The following CENPU variants were observed in gnomAD, a reference collection of about 807,000 sequenced individuals.
The protein encoded by CENPU is centromere protein U.
Under a neutral mutation model 56.7 loss-of-function variants are expected in CENPU, and 46 were observed. The ratio of observed to expected loss-of-function variants is 0.81; its 90% confidence interval spans 0.64 to 1.04. CENPU has a LOEUF of 1.04. CENPU is among the 50% of genes least tolerant of loss of function. The pLI is 0.00. For missense variants in CENPU, 510 were observed against 490.1 expected, an observed-to-expected ratio of 1.04 and a Z score of -0.38; for synonymous variants, 166 against 163.0, an observed-to-expected ratio of 1.02 and a Z score of -0.14.
intron 8 of CENPU, among the ~76,000 whole-genome samples, chr4:184,708,537 GA>G (rs151299938): frequency 2.5e-4 from 30 of 119,496 alleles, no homozygotes; most frequent in Admixed American, 1.4e-3. Context: ...GAATATCAAA[GA>G]AAAAAAATAA....
intron 2 of CENPU, among the ~76,000 whole-genome samples, chr4:184,729,996 G>T (rs926106420): frequency 1.3e-5 from 2 of 152,222 alleles, no homozygotes; most frequent in Admixed American, 6.5e-5. Flanking sequence ...CCCAGTGAAA[G>T]AATCATTCCT....
chr4:184,696,381 C>A (rs1760310755), intron 12 of CENPU, among the ~76,000 whole-genome samples: 1 of 152,156 alleles, frequency 6.6e-6, no homozygotes, highest in Non-Finnish European at 1.5e-5. Context: ...ACTCTAAGAA[C>A]AGGACGCTCA....
chr4:184,719,061 A>G (rs1358121139), intron 4 of CENPU, among the ~76,000 whole-genome samples: 2 of 152,162 alleles, frequency 1.3e-5, no homozygotes, highest in Admixed American at 6.5e-5. Flanking sequence ...TCACCTACAC[A>G]TAAAGAAAAA....
At chr4:184,708,368 T>A (rs996929283) in intron 8 of CENPU, among the ~76,000 whole-genome samples, 9 of 151,342 alleles carry the variant, frequency 5.9e-5, no homozygotes, top group Non-Finnish European at 8.8e-5. Flanking sequence ...AATCTCCCAG[T>A]GAATGAAGCA....
chr4:184,709,972 G>A (rs1488942323), intron 8 of CENPU, 100 bp downstream of exon 8: 2 of 456,928 alleles, frequency 4.4e-6, no homozygotes, highest in Non-Finnish European at 7.9e-6. Flanking sequence ...CTAAAACAAT[G>A]ACAATGAAAA....
At chr4:184,708,594 T>C (rs1760811078) in intron 8 of CENPU, among the ~76,000 whole-genome samples, 1 of 152,004 alleles carries the variant, frequency 6.6e-6, no homozygotes, top group African/African-American at 2.4e-5. Flanking sequence ...GAAATAAGAA[T>C]TAGATAGACA....
At position 184,734,004 on chromosome 4, in the gene CENPU, G is replaced by T. The variant is rs200613042; in HGVS notation, c.47+12C>A. The T allele has an allele frequency of 1.9e-6, 3 of 1,609,392 alleles. No individual in the cohort carries two copies. Among genetic ancestry groups the T allele is most frequent in the Non-Finnish European group, 2.5e-6 (3 of 1,178,686 alleles). On this transcript the variant is annotated intron_variant, in intron 1 of 12. Coordinates refer to ENST00000281453, the MANE Select transcript of CENPU (RefSeq NM_024629.4). ...CTCCGGCCCCGCGCTCCCGAGGGTC[G>T]GCAGTACTTACCCCTCAGACCTGTG...
chr4:184,733,460 T>C (rs1176153885), intron 1 of CENPU: 1 of 982,666 alleles, frequency 1.0e-6, no homozygotes, highest in Non-Finnish European at 1.2e-6. Context: ...CGACCAGCAT[T>C]CTAGAGCGCG....
At chr4:184,721,660 G>A (rs1761283027) in intron 4 of CENPU, among the ~76,000 whole-genome samples, 1 of 152,058 alleles carries the variant, frequency 6.6e-6, no homozygotes, top group East Asian at 1.9e-4. Context: ...GACAAAGAAG[G>A]TCACTACATA....
Position 184,728,881 on chromosome 4 carries a change from T to G in CENPU, c.214+37A>C, listed in dbSNP as rs563673522. The G allele has an allele frequency of 1.8e-5, 26 of 1,475,266 alleles. 1 individual carries two copies. The South Asian group carries it at 3.0e-4, about 17-fold the overall frequency. The allele number at this position is 1,475,266 out of a possible 1,614,324, so 91.4% of individuals were successfully genotyped here. On this transcript the variant is annotated intron_variant, in intron 3 of 12. Coordinates refer to ENST00000281453, the MANE Select transcript of CENPU (RefSeq NM_024629.4). ...TATATCTGGCCTAAATGTTGTTGCTTTAGAGTTATGTTAGGATAAAGATTT... is the reference window on the plus strand; with the variant it reads ...TATATCTGGCCTAAATGTTGTTGCTGTAGAGTTATGTTAGGATAAAGATTT...
At chr4:184,705,480 G>A (rs1333608536) in intron 8 of CENPU, among the ~76,000 whole-genome samples, 1 of 152,064 alleles carries the variant, frequency 6.6e-6, no homozygotes, top group Non-Finnish European at 1.5e-5. Flanking sequence ...GGATCCTGGA[G>A]GTGATGCAAT....
intron 4 of CENPU, among the ~76,000 whole-genome samples, chr4:184,717,927 G>A (rs1761146686): frequency 6.6e-6 from 1 of 152,224 alleles, no homozygotes; most frequent in South Asian, 2.1e-4. Context: ...TAAAAGCCTG[G>A]TGGTGTAAAA....
intron 4 of CENPU, among the ~76,000 whole-genome samples, chr4:184,719,638 T>A (rs7660939): frequency 6.6e-6 from 1 of 152,018 alleles, no homozygotes; most frequent in Non-Finnish European, 1.5e-5. Context: ...TAGGGGCATG[T>A]GACCTACTGA....
intron 4 of CENPU, among the ~76,000 whole-genome samples, chr4:184,722,486 T>C (rs1036259603): frequency 1.3e-5 from 2 of 152,080 alleles, no homozygotes; most frequent in Admixed American, 6.5e-5. Flanking sequence ...GCTGCATTTA[T>C]ATATAGAAAA....
chr4:184,694,626 T>G lies in CENPU; in HGVS notation c.*662A>C, dbSNP rs150917934. 3.6e-5 allele frequency: 58 copies of G among 1,614,208 alleles called. No homozygotes were observed. In the Middle Eastern group the frequency reaches 1.5e-3, roughly 41 times the overall value. On this transcript the variant is annotated 3_prime_UTR_variant, in exon 13 of 13. Coordinates refer to ENST00000281453, the MANE Select transcript of CENPU (RefSeq NM_024629.4). ...GGCTGTCAACAGGTGCATCTGCTGATGCTGTCTGGGATAATGGCATTGATG... is the reference window on the plus strand; with the variant it reads ...GGCTGTCAACAGGTGCATCTGCTGAGGCTGTCTGGGATAATGGCATTGATG...
chr4:184,733,494 C>A, intron 1 of CENPU: 1 of 860,704 alleles, frequency 1.2e-6, no homozygotes, highest in Non-Finnish European at 1.4e-6. Flanking sequence ...CAAACGCTCG[C>A]TTTCTTTGGT....
At chr4:184,725,093 TAA>T (rs532416140) in intron 3 of CENPU, 31 bp from the exon 4 acceptor site, 3 of 1,438,872 alleles carry the variant, frequency 2.1e-6, no homozygotes, top group Non-Finnish European at 2.9e-6. Flanking sequence ...AGCACAACTT[TAA>T]AAGTCTGGCT....
Position 184,712,999 on chromosome 4 carries a change from T to C in CENPU, c.633A>G (p.Lys211=). 6.3e-7 allele frequency: 1 copy of C among 1,580,850 alleles called. No individual in the cohort carries two copies. The highest frequency in any genetic ancestry group is 1.1e-5 in the South Asian group (1 of 88,122). ...TCCTTTTGTCATGAGATATCTTCCC[T>C]TTTTTCTGAGTTTTCTACAAAAAAA... is the stretch of plus-strand genomic sequence containing the variant. ...AIESQSKTQK[K]GKISHDKRKK... Residue 211 remains lysine (K), a synonymous_variant, in exon 7 of 13, where the codon AAA becomes AAG. Coordinates refer to ENST00000281453, the MANE Select transcript of CENPU (RefSeq NM_024629.4).
intron 3 of CENPU, among the ~76,000 whole-genome samples, chr4:184,728,410 G>T (rs1351611024): frequency 2.6e-5 from 4 of 152,122 alleles, no homozygotes; most frequent in Non-Finnish European, 5.9e-5. Context: ...TCTGGCTTCT[G>T]GAGTGCCCAG....
Sources: gnomAD v4.1 joint callset for allele counts (sites outside exome capture counted in the v4.1 genomes callset) on GRCh38, gnomAD v4.1.1 for gene constraint, MANE v1.5 for transcripts, NCBI Gene and HGNC (gene_info 2026-07-23, HGNC 2026-07-21) for gene names.